Variants in EPM2A observed in about 807,000 individuals in gnomAD.
EPM2A encodes the protein laforin.
In EPM2A, 21 loss-of-function variants were observed where a neutral mutation model predicts 26.5. The ratio of observed to expected loss-of-function variants is 0.79; its 90% CI spans 0.56 to 1.14. The LOEUF (loss-of-function observed/expected upper bound fraction) is 1.14, where lower values mean the gene tolerates loss of function less well. Ranked by LOEUF, EPM2A falls within the 50% of genes most tolerant of loss-of-function variation. The pLI is 0.00. For synonymous variants in EPM2A, 217 were observed against 177.6 expected (o/e 1.22, Z -1.76); for missense variants, 458 against 440.8 (o/e 1.04, Z -0.35).
Position 145,701,221 on chromosome 6 carries a change from T to C in EPM2A, c.302-14925A>G, listed in dbSNP as rs571463836. ...GAATTTTCTTTCTTTCAGAACTATG[T>C]CTGATTGCAAGCAACAGAAAATCTG... On this transcript the variant is annotated intron_variant, in intron 1 of 3. Transcript: ENST00000367519. Among the ~76,000 whole-genome samples, 7 of 152,214 alleles carry C rather than the reference T, an allele frequency of 4.6e-5. No homozygotes were observed. The South Asian group carries it at 1.4e-3, about 31-fold the overall frequency.
At position 145,386,492 on chromosome 6, in the gene EPM2A, A is replaced by C. The variant is rs1214007274; in HGVS notation, c.556-2395T>G. On this transcript the variant is annotated intron_variant, in intron 4 of 4. Coordinates refer to the EPM2A transcript ENST00000638717. ...CTTTGAAATTAAGAGTTTCAATCAT[A>C]TAATAGAGCCGTCACTAGATATTCC... Among the ~76,000 whole-genome samples the C allele has an allele frequency of 3.3e-5, 5 of 152,276 alleles. No homozygotes were observed. In the East Asian group the frequency reaches 9.6e-4, roughly 29 times the overall value.
At chr6:145,388,971 CAT>C (rs1282224294) in intron 4 of EPM2A, among the ~76,000 whole-genome samples, 1 of 151,912 alleles carries the variant, frequency 6.6e-6, no homozygotes, top group Non-Finnish European at 1.5e-5. Context: ...CTGCAATAAA[CAT>C]ATGTGTGCAT....
In EPM2A at chr6:145,635,474, A is replaced by T. The variant is rs1383008959; in HGVS notation, c.489T>A (p.Asn163Lys). The T allele has an allele frequency of 6.2e-7, 1 of 1,613,990 alleles. No homozygotes were observed. Among genetic ancestry groups the T allele is most frequent in the Non-Finnish European group, 8.5e-7 (1 of 1,179,854 alleles). The change falls in exon 3 of 4, where the codon AAT becomes AAA. Residue 163 changes from asparagine to lysine, a missense_variant. Physicochemically the swap from Asn to Lys is moderately conservative, Grantham distance 94 (BLOSUM62 0). Transcript: ENST00000367519. ...GACGAGGGCAGCTACCCAGCCAGAT[A>T]TTTGGTAGAATTCTAATGAGAACAT... ...QAMHYSRILP[N>K]IWLGSCPRQV...
chr6:145,491,133 C>G, intron 4 of EPM2A: 1 of 571,156 alleles, frequency 1.8e-6, no homozygotes, highest in Non-Finnish European at 3.4e-6. Context: ...TGGTATTTTC[C>G]TCTAATGGAG....
At chr6:145,513,303 T>C (rs1013692300) in intron 2 of EPM2A, among the ~76,000 whole-genome samples, 1 of 151,776 alleles carries the variant, frequency 6.6e-6, no homozygotes, top group African/African-American at 2.4e-5. Flanking sequence ...ATGAAAAAAA[T>C]GTTCAACATA....
chr6:145,478,631 C>T (rs1779570095), intron 4 of EPM2A, among the ~76,000 whole-genome samples: 2 of 151,722 alleles, frequency 1.3e-5, no homozygotes, highest in African/African-American at 4.8e-5. Context: ...TTCTGTTTCT[C>T]TTCTAACATA....
At chr6:145,513,058 A>G (rs1780078048) in intron 2 of EPM2A, among the ~76,000 whole-genome samples, 1 of 152,214 alleles carries the variant, frequency 6.6e-6, no homozygotes, top group South Asian at 2.1e-4. Flanking sequence ...AAATAGACAA[A>G]TGAGATTTAA....
At chr6:145,719,791 A>C (rs1221359427) in intron 1 of EPM2A, among the ~76,000 whole-genome samples, 1 of 152,126 alleles carries the variant, frequency 6.6e-6, no homozygotes, top group East Asian at 1.9e-4. Context: ...CAGGTGTATA[A>C]CTGAGCTTCC....
chr6:145,650,039 T>A (rs1356144885), intron 2 of EPM2A, among the ~76,000 whole-genome samples: 2 of 152,050 alleles, frequency 1.3e-5, no homozygotes, highest in African/African-American at 4.8e-5. Flanking sequence ...AGAGCAAGTA[T>A]CTATGGGGGT....
rs7740548 is a variant in EPM2A, at chr6:145,614,135, C to T, written c.340+21110G>A. ...GCCGCAGCTGCTATATCAGCACTTGCTGTTTCACCTTGTACTTTTATTTTA... is the reference window on the plus strand; with the variant it reads ...GCCGCAGCTGCTATATCAGCACTTGTTGTTTCACCTTGTACTTTTATTTTA... On this transcript the variant is annotated intron_variant, in intron 2 of 3. Transcript: ENST00000450221. 5.2e-3 allele frequency among the ~76,000 whole-genome samples: 798 copies of T among 152,352 alleles called. 4 individuals carry two copies. Among genetic ancestry groups the T allele is most frequent in the African/African-American group, 0.018 (764 of 41,584 alleles).
chr6:145,575,407 C>T (rs1444750737), intron 2 of EPM2A, among the ~76,000 whole-genome samples: 1 of 152,122 alleles, frequency 6.6e-6, no homozygotes, highest in Non-Finnish European at 1.5e-5. Flanking sequence ...GCAGGTCAGC[C>T]ACTTGCATGA....
chr6:145,550,287 C>T (rs552802213), intron 2 of EPM2A, among the ~76,000 whole-genome samples: 2 of 151,970 alleles, frequency 1.3e-5, no homozygotes, highest in Non-Finnish European at 2.9e-5. Context: ...AGAGAGGAGA[C>T]GAGAGGGCAA....
At chr6:145,656,530 A>G (rs542537268) in intron 2 of EPM2A, among the ~76,000 whole-genome samples, 1 of 152,368 alleles carries the variant, frequency 6.6e-6, no homozygotes, top group South Asian at 2.1e-4. Flanking sequence ...AAGTGTGGAC[A>G]CTGAGATTTG....
chr6:145,510,928 A>G (rs898808058), intron 2 of EPM2A, among the ~76,000 whole-genome samples: 2 of 152,204 alleles, frequency 1.3e-5, no homozygotes, highest in African/African-American at 4.8e-5. Context: ...CTTCTCCAAT[A>G]GAAATACAAA....
intron 2 of EPM2A, among the ~76,000 whole-genome samples, chr6:145,580,480 AG>A (rs1486065319): frequency 6.6e-6 from 1 of 151,454 alleles, no homozygotes; most frequent in African/African-American, 2.5e-5. Flanking sequence ...TTCATATAAA[AG>A]CAAGTTATAT....
intron 2 of EPM2A, among the ~76,000 whole-genome samples, chr6:145,571,647 G>A (rs190174092): frequency 6.6e-6 from 1 of 152,244 alleles, no homozygotes; most frequent in African/African-American, 2.4e-5. Context: ...GTGCCATATC[G>A]AGGGCTCAGT....
At chr6:145,697,188 G>T (rs1305862589) in intron 1 of EPM2A, among the ~76,000 whole-genome samples, 2 of 152,110 alleles carry the variant, frequency 1.3e-5, no homozygotes, top group Non-Finnish European at 2.9e-5. Flanking sequence ...ACAAAAGAGA[G>T]AAATTTTAAA....
At chr6:145,491,625 G>C (rs111915025) in intron 4 of EPM2A, 4 of 360,740 alleles carry the variant, frequency 1.1e-5, no homozygotes, top group African/African-American at 4.3e-5. Flanking sequence ...AATGACATTC[G>C]AGTGGGAAAA....
Position 145,730,428 on chromosome 6 carries a change from T to C in EPM2A, c.301+4770A>G, listed in dbSNP as rs76204380. On this transcript the variant is annotated intron_variant, in intron 1 of 3. Coordinates refer to ENST00000367519, the MANE Select transcript of EPM2A (RefSeq NM_005670.4). Reference sequence around the variant, plus strand: ...GATGAACAGAGCTGCAGCAGCCATCTTGTTGCCTTAAGGGAAAAGCCAAGA... The same window carrying C: ...GATGAACAGAGCTGCAGCAGCCATCCTGTTGCCTTAAGGGAAAAGCCAAGA... Among the ~76,000 whole-genome samples, 922 of 152,366 alleles carry C rather than the reference T, an allele frequency of 6.1e-3. 25 individuals carry two copies. In the East Asian group the frequency reaches 0.1, roughly 17 times the overall value.
Sources: gnomAD v4.1 joint callset for allele counts (sites outside exome capture counted in the v4.1 genomes callset) on GRCh38, gnomAD v4.1.1 for gene constraint, MANE v1.5 for transcripts, NCBI Gene and HGNC (gene_info 2026-07-23, HGNC 2026-07-21) for gene names.